The following NAA60 variants were observed in gnomAD, a reference collection of about 807,000 sequenced individuals.
NAA60 encodes N-alpha-acetyltransferase 60, NatF catalytic subunit.
A neutral mutation model predicts 26.1 loss-of-function variants in NAA60; 8 were observed. That is an observed-to-expected ratio of 0.31 (90% CI 0.18 to 0.55). NAA60 has a LOEUF of 0.55. Among genes scored for constraint, NAA60 ranks in the 20% least tolerant of loss-of-function variants. The pLI, the probability that NAA60 is intolerant of heterozygous loss-of-function variation, is 0.93. For missense variants in NAA60, 290 were observed against 311.3 expected (o/e 0.93, Z 0.51); for synonymous variants, 131 against 122.5 (o/e 1.07, Z -0.46).
chr16:3,449,346 A>G (rs1052970483), intron 2 of NAA60, among the ~76,000 whole-genome samples: 3 of 152,122 alleles, frequency 2.0e-5, no homozygotes, highest in African/African-American at 4.8e-5. Context: ...GTGAAACCCC[A>G]TCTTTACTAA....
intron 2 of NAA60, among the ~76,000 whole-genome samples, chr16:3,451,483 C>CA: frequency 6.6e-6 from 1 of 152,000 alleles, no homozygotes. Context: ...AAACCAAAAC[C>CA]AAAATATGTT....
At chr16:3,485,157 G>T (rs769117697) in intron 7 of NAA60, 96 bp downstream of exon 7, 1 of 788,268 alleles carries the variant, frequency 1.3e-6, no homozygotes, top group Non-Finnish European at 2.2e-6. Context: ...AGAGCCGGAA[G>T]GGGCCGTGGG....
intron 3 of NAA60, among the ~76,000 whole-genome samples, chr16:3,477,907 T>C (rs955727501): frequency 3.3e-5 from 5 of 152,014 alleles, no homozygotes; most frequent in East Asian, 1.9e-4. Flanking sequence ...CTACTAAAAA[T>C]ACAAAAAAAT....
chr16:3,477,611 G>C (rs1315704163), intron 3 of NAA60, among the ~76,000 whole-genome samples: 1 of 145,404 alleles, frequency 6.9e-6, no homozygotes, highest in Non-Finnish European at 1.5e-5. Context: ...GACCAGCCTG[G>C]CCAACATGGT....
At chr16:3,466,662 A>T (rs932882960) in intron 2 of NAA60, among the ~76,000 whole-genome samples, 2 of 152,186 alleles carry the variant, frequency 1.3e-5, no homozygotes, top group African/African-American at 2.4e-5. Flanking sequence ...ATGGATGAGC[A>T]CATGCTAATC....
intron 1 of NAA60, among the ~76,000 whole-genome samples, chr16:3,446,607 T>C (rs1477942678): frequency 2.9e-5 from 4 of 138,300 alleles, no homozygotes; most frequent in Non-Finnish European, 4.7e-5. Context: ...CACTATTTAC[T>C]CTTTATTATT....
chr16:3,443,657 T>G (rs761183324), upstream of NAA60: 11 of 1,310,004 alleles, frequency 8.4e-6, no homozygotes, highest in African/African-American at 1.5e-5. Flanking sequence ...GTAGTTTTCC[T>G]CCTTTTCTCT....
rs562459986 is a variant in NAA60 at position 3,460,228 on chromosome 16, G to A, written c.-7+11688G>A. Among the ~76,000 whole-genome samples, 6 of 152,280 alleles carry A rather than the reference G, an allele frequency of 3.9e-5. No individual in the cohort carries two copies. The South Asian group carries it at 1.2e-3, about 32-fold the overall frequency. On this transcript the variant is annotated intron_variant, in intron 2 of 7. Coordinates refer to ENST00000407558, the MANE Select transcript of NAA60 (RefSeq NM_001083601.3). ...CATCTCTCACTTGAATAGAAAGCTG[G>A]CTGTTTATCAGACACTGTTTTCTTA...
rs140418523 is a variant in NAA60 at position 3,457,629 on chromosome 16, C to G, written c.-7+9089C>G. ...TCCGGGTGGTCGGCCAGGAGCCAGC[C>G]TTGTGCACCTGCTTTCAGTTGTTGG... On this transcript the variant is annotated intron_variant, in intron 2 of 7. Transcript: ENST00000407558. Among the ~76,000 whole-genome samples, 992 of 152,334 alleles carry G rather than the reference C, an allele frequency of 6.5e-3. 4 individuals are homozygous for G. Among genetic ancestry groups the G allele is most frequent in the Middle Eastern group, 0.024 (7 of 294 alleles).
At chr16:3,469,476 G>C (rs551119762) in intron 2 of NAA60, among the ~76,000 whole-genome samples, 29 of 148,908 alleles carry the variant, frequency 1.9e-4, no homozygotes, top group Non-Finnish European at 4.1e-4. Flanking sequence ...GAGAGCACCT[G>C]CCTGGCGGGG....
chr16:3,445,011 G>T (rs997616293), intron 1 of NAA60, among the ~76,000 whole-genome samples: 1 of 152,202 alleles, frequency 6.6e-6, no homozygotes, highest in East Asian at 1.9e-4. Context: ...TGCCACAAAT[G>T]ATATCTCTTG....
At position 3,468,889 on chromosome 16, in the gene NAA60, A is replaced by C. The variant is rs550228666; in HGVS notation, c.-6-7333A>C. Among the ~76,000 whole-genome samples the C allele has an allele frequency of 1.4e-3, 215 of 152,298 alleles. 1 individual carries two copies. The highest frequency in any genetic ancestry group is 5.0e-3 in the African/African-American group (207 of 41,574). On this transcript the variant is annotated intron_variant, in intron 2 of 7. Transcript: ENST00000407558. ...AGGGATCGAGACCATCCTGGCCAACATTGGCCTGACAAGGCCAACAACCTT... is the reference window on the plus strand; with the variant it reads ...AGGGATCGAGACCATCCTGGCCAACCTTGGCCTGACAAGGCCAACAACCTT...
At chr16:3,467,736 G>C (rs867811300) in intron 2 of NAA60, 3 of 152,276 alleles carry the variant, frequency 2.0e-5, no homozygotes, top group African/African-American at 7.2e-5. Context: ...GTGGGTGCTG[G>C]AGACATCTTG....
chr16:3,485,931 CT>C lies in NAA60; in HGVS notation c.*673del. The C allele has an allele frequency of 3.0e-6, 1 of 334,882 alleles. No individual in the cohort carries two copies. Among genetic ancestry groups the C allele is most frequent in the Non-Finnish European group, 5.9e-6 (1 of 168,810 alleles). The allele number at this position is 334,882 out of a possible 1,614,324, so 20.7% of individuals were successfully genotyped here. ...CAGGACGGTTCCTACTCCTCAGCAC[CT>C]TCCGTGCAGTTACCAGTGCCCTGGG... On this transcript the variant is annotated 3_prime_UTR_variant, in exon 8 of 8. Transcript: ENST00000407558.
intron 1 of NAA60, among the ~76,000 whole-genome samples, chr16:3,446,223 A>G (rs1415864202): frequency 6.6e-6 from 1 of 152,166 alleles, no homozygotes; most frequent in African/African-American, 2.4e-5. Context: ...CAAAAGTAGT[A>G]TATGTGCATT....
intron 2 of NAA60, among the ~76,000 whole-genome samples, chr16:3,450,801 C>T (rs2034753016): frequency 2.0e-5 from 3 of 150,202 alleles, no homozygotes; most frequent in Admixed American, 1.3e-4. Context: ...GGCTTTCATT[C>T]TTCATGGCAT....
In NAA60 at chr16:3,484,896, G is replaced by T. The variant is rs563888591; in HGVS notation, c.*41G>T. On this transcript the variant is annotated 3_prime_UTR_variant, in exon 7 of 8. Transcript: ENST00000407558. ...CGCCACCAGGCCCCACCCTTCGGCC[G>T]CCCGCAGAGCCCGCCTTCCTGTCCA... is the stretch of plus-strand genomic sequence containing the variant. 6.5e-7 allele frequency: 1 copy of T among 1,548,594 alleles called. No individual in the cohort carries two copies. The highest frequency in any genetic ancestry group is 8.7e-7 in the Non-Finnish European group (1 of 1,146,984).
chr16:3,458,360 T>C (rs1190016418), intron 2 of NAA60, among the ~76,000 whole-genome samples: 1 of 150,790 alleles, frequency 6.6e-6, no homozygotes, highest in African/African-American at 2.4e-5. Context: ...CGGGAGCCGG[T>C]TTCGGGGACG....
intron 2 of NAA60, among the ~76,000 whole-genome samples, chr16:3,465,549 C>G (rs2035699919): frequency 6.6e-6 from 1 of 152,184 alleles, no homozygotes; most frequent in African/African-American, 2.4e-5. Context: ...GTCCCCCAGG[C>G]TGCAGACGGG....
Sources: gnomAD v4.1 joint callset for allele counts (sites outside exome capture counted in the v4.1 genomes callset) on GRCh38, gnomAD v4.1.1 for gene constraint, MANE v1.5 for transcripts, NCBI Gene and HGNC (gene_info 2026-07-23, HGNC 2026-07-21) for gene names.